The following PPP1R9A variants were observed in gnomAD, a reference collection of about 807,000 sequenced individuals.
PPP1R9A encodes neurabin-1.
Under a neutral mutation model 141.9 loss-of-function variants are expected in PPP1R9A, and 59 were observed. The ratio of observed to expected loss-of-function variants is 0.42; its 90% CI spans 0.34 to 0.52. PPP1R9A has a LOEUF of 0.52. PPP1R9A is among the 20% of genes least tolerant of loss of function. The pLI is 0.10. For synonymous variants in PPP1R9A, 500 were observed against 569.7 expected, an observed-to-expected ratio of 0.88 and a Z score of 1.74; for missense variants, 1,444 against 1,611.9, an observed-to-expected ratio of 0.90 and a Z score of 1.78.
intron 5 of PPP1R9A, among the ~76,000 whole-genome samples, chr7:95,191,020 CATAA>C (rs1020772144): frequency 3.9e-5 from 6 of 152,284 alleles, no homozygotes; most frequent in African/African-American, 1.4e-4. Flanking sequence ...ATAAGGAATT[CATAA>C]ATTATCATTT....
At chr7:95,085,573 C>T (rs1816507609) in intron 2 of PPP1R9A, among the ~76,000 whole-genome samples, 1 of 151,626 alleles carries the variant, frequency 6.6e-6, no homozygotes, top group African/African-American at 2.4e-5. Flanking sequence ...CACCACAATG[C>T]CTGGCTAATT....
chr7:95,124,321 A>G (rs1335530394), intron 4 of PPP1R9A, among the ~76,000 whole-genome samples: 3 of 152,130 alleles, frequency 2.0e-5, no homozygotes, highest in Admixed American at 6.5e-5. Flanking sequence ...TGTGATTAAT[A>G]TGATGCCCTT....
intron 2 of PPP1R9A, among the ~76,000 whole-genome samples, chr7:95,095,882 T>C (rs992802350): frequency 6.6e-5 from 10 of 152,292 alleles, no homozygotes; most frequent in South Asian, 4.1e-4. Flanking sequence ...GGTTTTTTTT[T>C]CCCACCATGT....
chr7:95,026,333 T>A (rs946745288), intron 2 of PPP1R9A, among the ~76,000 whole-genome samples: 1 of 151,872 alleles, frequency 6.6e-6, no homozygotes, highest in African/African-American at 2.4e-5. Context: ...CAGTTAGGCC[T>A]CTCTACTGCA....
At chr7:94,947,746 T>C (rs1796047230) in intron 2 of PPP1R9A, among the ~76,000 whole-genome samples, 1 of 152,134 alleles carries the variant, frequency 6.6e-6, no homozygotes, top group Non-Finnish European at 1.5e-5. Flanking sequence ...GTTTTGAGTA[T>C]ATATGATAGT....
intron 5 of PPP1R9A, among the ~76,000 whole-genome samples, chr7:95,183,448 CTTTTT>C (rs766642929): frequency 9.7e-6 from 1 of 103,030 alleles, no homozygotes; most frequent in Non-Finnish European, 1.9e-5. Context: ...CAAAAATATT[CTTTTT>C]TTTTTTTTTT....
intron 5 of PPP1R9A, among the ~76,000 whole-genome samples, chr7:95,178,853 A>T (rs1046537952): frequency 6.6e-6 from 1 of 152,150 alleles, no homozygotes; most frequent in African/African-American, 2.4e-5. Context: ...TGAACACTCC[A>T]ATAACAAGTA....
chr7:95,278,820 A>G (rs755674627), intron 16 of PPP1R9A, among the ~76,000 whole-genome samples: 43 of 152,172 alleles, frequency 2.8e-4, no homozygotes, highest in Non-Finnish European at 5.7e-4. Context: ...AATATGGTTA[A>G]AAGCCTGGGT....
intron 2 of PPP1R9A, among the ~76,000 whole-genome samples, chr7:95,069,552 A>G (rs1382762947): frequency 1.3e-5 from 2 of 152,054 alleles, no homozygotes; most frequent in Admixed American, 6.6e-5. Context: ...GGTTATGTAT[A>G]TACATATTAA....
intron 4 of PPP1R9A, among the ~76,000 whole-genome samples, chr7:95,147,388 T>G (rs1827830212): frequency 6.6e-6 from 1 of 151,990 alleles, no homozygotes; most frequent in Non-Finnish European, 1.5e-5. Context: ...GCTTAAGGAG[T>G]TTTTGGACTG....
At chr7:94,972,224 G>A (rs1231076765) in intron 2 of PPP1R9A, among the ~76,000 whole-genome samples, 3 of 152,096 alleles carry the variant, frequency 2.0e-5, no homozygotes, top group Non-Finnish European at 4.4e-5. Flanking sequence ...TGTATATATG[G>A]TCTTGTTATT....
chr7:95,053,925 G>A (rs1811141187), intron 2 of PPP1R9A, among the ~76,000 whole-genome samples: 1 of 152,110 alleles, frequency 6.6e-6, no homozygotes, highest in Non-Finnish European at 1.5e-5. Context: ...GTCTATTGAA[G>A]ATAGGAAAGA....
At chr7:95,072,344 GTTATA>G (rs1563196021) in intron 2 of PPP1R9A, among the ~76,000 whole-genome samples, 1 of 141,690 alleles carries the variant, frequency 7.1e-6, no homozygotes, top group Non-Finnish European at 1.5e-5. Flanking sequence ...AATAATATAA[GTTATA>G]TTATTATATA....
At chr7:95,234,649 A>G (rs1369484579) in intron 8 of PPP1R9A, among the ~76,000 whole-genome samples, 1 of 152,130 alleles carries the variant, frequency 6.6e-6, no homozygotes, top group Non-Finnish European at 1.5e-5. Context: ...AAATACCACC[A>G]TCATTCTTCA....
At chr7:95,237,380 G>A (rs1472483576) in intron 8 of PPP1R9A, among the ~76,000 whole-genome samples, 5 of 151,646 alleles carry the variant, frequency 3.3e-5, no homozygotes, top group Admixed American at 2.6e-4. Flanking sequence ...ATTTTTAGTA[G>A]AGACGTGGTT....
At chr7:95,261,834 T>C (rs1453678115) in intron 12 of PPP1R9A, among the ~76,000 whole-genome samples, 2 of 152,214 alleles carry the variant, frequency 1.3e-5, no homozygotes, top group Non-Finnish European at 2.9e-5. Context: ...TAAAAAATTC[T>C]TATACATCTA....
At chr7:95,003,173 A>T (rs1000507018) in intron 2 of PPP1R9A, among the ~76,000 whole-genome samples, 3 of 152,048 alleles carry the variant, frequency 2.0e-5, no homozygotes, top group African/African-American at 7.2e-5. Context: ...AATTTTAGTA[A>T]AGTGTCATTC....
chr7:95,179,088 C>T (rs982264486), intron 5 of PPP1R9A, among the ~76,000 whole-genome samples: 1 of 151,994 alleles, frequency 6.6e-6, no homozygotes, highest in Non-Finnish European at 1.5e-5. Flanking sequence ...AACTGAAGAC[C>T]AATATCTCTA....
chr7:95,068,647 G>A (rs931518369), intron 2 of PPP1R9A, among the ~76,000 whole-genome samples: 2 of 152,068 alleles, frequency 1.3e-5, no homozygotes, highest in Non-Finnish European at 2.9e-5. Context: ...CCAAACTCAG[G>A]TCTCTGGCTT....
Sources: allele counts gnomAD v4.1 joint callset (sites outside exome capture counted in the v4.1 genomes callset), GRCh38; gene constraint gnomAD v4.1.1; transcripts MANE v1.5; gene names NCBI Gene and HGNC (gene_info 2026-07-23, HGNC 2026-07-21).